The following TIAM1 variants were observed in gnomAD, a reference collection of about 807,000 sequenced individuals.
TIAM1 encodes TIAM Rac1 associated GEF 1.
In TIAM1, 65 loss-of-function variants were observed where a neutral mutation model predicts 163.5. The ratio of observed to expected loss-of-function variants is 0.40; its 90% confidence interval spans 0.33 to 0.49. The LOEUF (loss-of-function observed/expected upper bound fraction) is 0.49. Among genes scored for constraint, TIAM1 ranks in the 20% least tolerant of loss-of-function variants. TIAM1 has a pLI of 0.77. For missense variants in TIAM1, 1,789 were observed against 2,044.7 expected, an observed-to-expected ratio of 0.87 and a Z score of 2.41; for synonymous variants, 833 against 810.1, an observed-to-expected ratio of 1.03 and a Z score of -0.48.
chr21:31,309,447 G>C (rs976247864), intron 2 of TIAM1, among the ~76,000 whole-genome samples: 4 of 152,122 alleles, frequency 2.6e-5, no homozygotes, highest in African/African-American at 9.7e-5. Flanking sequence ...GACAGAGTGA[G>C]ACTCCGTCTC....
intron 23 of TIAM1, among the ~76,000 whole-genome samples, chr21:31,132,261 T>C (rs987572316): frequency 1.3e-5 from 2 of 152,168 alleles, no homozygotes; most frequent in African/African-American, 4.8e-5. Flanking sequence ...TGTAAGATCA[T>C]GCTAATCTCC....
intron 2 of TIAM1, among the ~76,000 whole-genome samples, chr21:31,314,315 G>A (rs1175663632): frequency 1.3e-5 from 2 of 152,058 alleles, no homozygotes; most frequent in African/African-American, 4.8e-5. Context: ...TGATATTAGA[G>A]GTATCCTGAG....
intron 1 of TIAM1, among the ~76,000 whole-genome samples, chr21:31,552,413 C>G (rs2048722667): frequency 6.6e-6 from 1 of 152,284 alleles, no homozygotes; most frequent in East Asian, 1.9e-4. Flanking sequence ...AAAACCAACT[C>G]AAGTTTGATA....
At chr21:31,125,358 C>T (rs1189866054) in intron 26 of TIAM1, among the ~76,000 whole-genome samples, 1 of 151,976 alleles carries the variant, frequency 6.6e-6, no homozygotes, top group Non-Finnish European at 1.5e-5. Flanking sequence ...GGCTACTAAA[C>T]CCCATGGACC....
chr21:31,160,890 C>G (rs2083882881), intron 16 of TIAM1: 1 of 170,828 alleles, frequency 5.9e-6, no homozygotes, highest in African/African-American at 2.4e-5. Flanking sequence ...CAAAATGCCT[C>G]CCCGGGATGT....
chr21:31,217,100 G>A (rs1409709737), intron 9 of TIAM1, among the ~76,000 whole-genome samples: 2 of 152,026 alleles, frequency 1.3e-5, no homozygotes, highest in South Asian at 2.1e-4. Flanking sequence ...CCAGCTACTC[G>A]GGAGGCTGAG....
At chr21:31,319,578 A>G (rs1478524095) in intron 2 of TIAM1, among the ~76,000 whole-genome samples, 4 of 152,062 alleles carry the variant, frequency 2.6e-5, no homozygotes, top group Non-Finnish European at 5.9e-5. Context: ...GGAGATCGAG[A>G]CCATTCTGGC....
chr21:31,245,358 A>G, intron 6 of TIAM1, 130 bp downstream of exon 6: 2 of 702,220 alleles, frequency 2.8e-6, no homozygotes, highest in Non-Finnish European at 4.0e-6. Flanking sequence ...TGAGCAACAG[A>G]TTAATCTCAC....
At chr21:31,387,160 T>A (rs1477780520) in intron 2 of TIAM1, among the ~76,000 whole-genome samples, 1 of 145,760 alleles carries the variant, frequency 6.9e-6, no homozygotes, top group East Asian at 2.0e-4. Context: ...AGACTGAAGC[T>A]CAATACAGGG....
At chr21:31,326,353 G>A (rs2075488052) in intron 2 of TIAM1, among the ~76,000 whole-genome samples, 1 of 152,170 alleles carries the variant, frequency 6.6e-6, no homozygotes. Context: ...GGGAAGGGGA[G>A]TACTATGGCA....
At chr21:31,376,499 C>T (rs1295073983) in intron 2 of TIAM1, among the ~76,000 whole-genome samples, 1 of 152,162 alleles carries the variant, frequency 6.6e-6, no homozygotes, top group African/African-American at 2.4e-5. Flanking sequence ...AACATTGGCA[C>T]AGATGCGTGT....
At chr21:31,201,822 C>T (rs1569016315) in intron 12 of TIAM1, among the ~76,000 whole-genome samples, 1 of 152,130 alleles carries the variant, frequency 6.6e-6, no homozygotes, top group East Asian at 1.9e-4. Flanking sequence ...AAAATAGAGG[C>T]GCCTTGCTCC....
At chr21:31,135,876 G>C in intron 23 of TIAM1, 57 bp downstream of exon 23, 2 of 1,490,478 alleles carry the variant, frequency 1.3e-6, no homozygotes, top group Admixed American at 1.7e-5. Context: ...AAATGTTCTT[G>C]TTTTGAAAAC....
At chr21:31,207,954 G>A (rs974901214) in intron 11 of TIAM1, among the ~76,000 whole-genome samples, 1 of 152,128 alleles carries the variant, frequency 6.6e-6, no homozygotes, top group Non-Finnish European at 1.5e-5. Flanking sequence ...TATGTCTTGG[G>A]AAAAAGACCT....
chr21:31,264,375 T>C (rs1474495020), intron 4 of TIAM1, among the ~76,000 whole-genome samples: 2 of 152,212 alleles, frequency 1.3e-5, no homozygotes, highest in Non-Finnish European at 2.9e-5. Flanking sequence ...TCAACCCATA[T>C]GCCTCCACTA....
intron 4 of TIAM1, among the ~76,000 whole-genome samples, chr21:31,256,547 A>T (rs187497917): frequency 6.7e-6 from 1 of 149,448 alleles, no homozygotes; most frequent in Admixed American, 6.7e-5. Flanking sequence ...CCTCTGATTT[A>T]TCATCTTCTT....
intron 10 of TIAM1, chr21:31,213,150 G>C (rs1199371224): frequency 2.4e-6 from 1 of 413,160 alleles, no homozygotes; most frequent in Non-Finnish European, 4.2e-6. Flanking sequence ...ATTCTAGTTA[G>C]AAACTCACAC....
chr21:31,337,518 G>GTTATTATTATTATTATTATTATTATTA (rs55760697), intron 2 of TIAM1, among the ~76,000 whole-genome samples: 21 of 147,272 alleles, frequency 1.4e-4, no homozygotes, highest in Non-Finnish European at 2.7e-4. Flanking sequence ...TATTATTGTT[G>GTTATTATTATTATTATTATTATTATTA]TTATTATTAT....
At position 31,276,971 on chromosome 21, in the gene TIAM1, G is replaced by A. The variant is rs993879858; in HGVS notation, c.-188-63C>T. On this transcript the variant is annotated intron_variant, in intron 2 of 27. Transcript: ENST00000541036. ...AAGAAAAGGATGAGGCAGAAGGAAG[G>A]AAATGGGCATTTTCTGTCAAACCCA... is the stretch of plus-strand genomic sequence containing the variant. 2.6e-5 allele frequency: 4 copies of A among 152,216 alleles called. No individual in the cohort carries two copies. In the East Asian group the frequency reaches 7.7e-4, roughly 29 times the overall value. 9.4% of individuals were successfully genotyped at this position (152,216 alleles called of 1,614,324 possible). A position where few individuals can be genotyped will look rare whatever the true frequency, so the allele number is the denominator to read the frequency against.
Sources: gnomAD v4.1 joint callset for allele counts (sites outside exome capture counted in the v4.1 genomes callset) on GRCh38, gnomAD v4.1.1 for gene constraint, MANE v1.5 for transcripts, NCBI Gene and HGNC (gene_info 2026-07-23, HGNC 2026-07-21) for gene names.